ZEB1: variants seen among roughly 807,000 people sequenced by gnomAD.
The protein encoded by ZEB1 is zinc finger E-box-binding homeobox 1.
Under a neutral mutation model 84.9 loss-of-function variants are expected in ZEB1, and 21 were observed. That is an observed-to-expected ratio of 0.25 (90% confidence interval 0.18 to 0.36). The LOEUF is 0.36. Among genes scored for constraint, ZEB1 ranks in the 10% least tolerant of loss-of-function variants. The pLI is 1.00. For missense variants in ZEB1, 1,104 were observed against 1,330.2 expected (o/e 0.83, Z 2.65); for synonymous variants, 420 against 471.1 (o/e 0.89, Z 1.41).
chr10:31,453,021 T>A (rs1451262328), intron 1 of ZEB1, among the ~76,000 whole-genome samples: 1 of 152,176 alleles, frequency 6.6e-6, no homozygotes, highest in African/African-American at 2.4e-5. Context: ...ATCTGATATA[T>A]GTGGAACCAG....
intron 1 of ZEB1, among the ~76,000 whole-genome samples, chr10:31,375,315 C>T (rs2046441629): frequency 6.6e-6 from 1 of 151,730 alleles, no homozygotes; most frequent in Non-Finnish European, 1.5e-5. Context: ...CTTCCCATAC[C>T]TTCCAGAAAG....
At chr10:31,474,787 A>T (rs544969937) in intron 2 of ZEB1, among the ~76,000 whole-genome samples, 1 of 152,218 alleles carries the variant, frequency 6.6e-6, no homozygotes, top group East Asian at 1.9e-4. Flanking sequence ...CACTATTCAC[A>T]ATAGCAAAGA....
chr10:31,451,357 T>G (rs1459380580), intron 1 of ZEB1, among the ~76,000 whole-genome samples: 1 of 152,178 alleles, frequency 6.6e-6, no homozygotes, highest in Admixed American at 6.6e-5. Context: ...GGCTGGTAAT[T>G]TATCTTTTTT....
At chr10:31,382,202 C>A (rs185818794) in intron 1 of ZEB1, among the ~76,000 whole-genome samples, 37 of 151,956 alleles carry the variant, frequency 2.4e-4, no homozygotes, top group Non-Finnish European at 8.8e-5. Context: ...TATGTGAAAC[C>A]AGCCCCTTTA....
chr10:31,519,071 T>G (rs1275912697), intron 6 of ZEB1, among the ~76,000 whole-genome samples: 2 of 152,186 alleles, frequency 1.3e-5, no homozygotes, highest in East Asian at 3.8e-4. Context: ...CATCTCATCA[T>G]TCAACAATTA....
intron 1 of ZEB1, among the ~76,000 whole-genome samples, chr10:31,336,615 T>TA (rs1444562547): frequency 6.6e-6 from 1 of 152,094 alleles, no homozygotes; most frequent in African/African-American, 2.4e-5. Context: ...ATTTAGCACA[T>TA]ATCAAAATCT....
chr10:31,323,819 C>T (rs780239810), intron 1 of ZEB1, among the ~76,000 whole-genome samples: 12 of 151,522 alleles, frequency 7.9e-5, no homozygotes, highest in African/African-American at 1.2e-4. Context: ...TATTTATTTC[C>T]TTAATTATTT....
intron 2 of ZEB1, among the ~76,000 whole-genome samples, chr10:31,495,335 A>G (rs549001183): frequency 6.6e-6 from 1 of 152,170 alleles, no homozygotes; most frequent in African/African-American, 2.4e-5. Flanking sequence ...CCAAAATAGT[A>G]CTAAAATTCC....
At chr10:31,454,837 C>T (rs919153025) in intron 1 of ZEB1, among the ~76,000 whole-genome samples, 21 of 152,218 alleles carry the variant, frequency 1.4e-4, no homozygotes, top group African/African-American at 4.6e-4. Context: ...GCCATACTGC[C>T]GAAAGTAATT....
chr10:31,496,629 A>T (rs1235710624), intron 3 of ZEB1, among the ~76,000 whole-genome samples: 1 of 152,106 alleles, frequency 6.6e-6, no homozygotes, highest in Admixed American at 6.6e-5. Context: ...TCAAAATATT[A>T]TACTTAAACG....
intron 1 of ZEB1, among the ~76,000 whole-genome samples, chr10:31,396,868 G>C (rs1267219266): frequency 2.6e-5 from 4 of 152,058 alleles, no homozygotes; most frequent in Non-Finnish European, 5.9e-5. Flanking sequence ...AGGGAATCTG[G>C]ATCTCTTTGA....
intron 1 of ZEB1, among the ~76,000 whole-genome samples, chr10:31,344,439 G>A (rs1482506477): frequency 6.6e-6 from 1 of 152,000 alleles, no homozygotes; most frequent in Non-Finnish European, 1.5e-5. Flanking sequence ...CAACTTTACA[G>A]TAATGAAATA....
chr10:31,501,456 C>G (rs1320452723), intron 3 of ZEB1, among the ~76,000 whole-genome samples: 1 of 152,200 alleles, frequency 6.6e-6, no homozygotes, highest in East Asian at 1.9e-4. Context: ...TATATGAATA[C>G]TAGCGTAGCT....
chr10:31,367,603 G>A (rs910996868), intron 1 of ZEB1, among the ~76,000 whole-genome samples: 18 of 152,236 alleles, frequency 1.2e-4, no homozygotes, highest in African/African-American at 3.9e-4. Context: ...GTAACTTGTC[G>A]CCAAAATGAC....
At chr10:31,345,156 C>T (rs1401158470) in intron 1 of ZEB1, among the ~76,000 whole-genome samples, 1 of 152,014 alleles carries the variant, frequency 6.6e-6, no homozygotes, top group Non-Finnish European at 1.5e-5. Flanking sequence ...GATTCACAGA[C>T]ATTTCACTAA....
intron 1 of ZEB1, among the ~76,000 whole-genome samples, chr10:31,402,957 G>T (rs189131523): frequency 6.6e-6 from 1 of 151,998 alleles, no homozygotes; most frequent in African/African-American, 2.4e-5. Context: ...GGCTCTATTT[G>T]TTATTAGCTG....
chr10:31,367,365 C>T (rs1364518108), intron 1 of ZEB1, among the ~76,000 whole-genome samples: 1 of 152,098 alleles, frequency 6.6e-6, no homozygotes, highest in Non-Finnish European at 1.5e-5. Context: ...GGACTCTACA[C>T]TTTTACTAAC....
At chr10:31,440,001 G>A (rs897325624) in intron 1 of ZEB1, among the ~76,000 whole-genome samples, 1 of 152,206 alleles carries the variant, frequency 6.6e-6, no homozygotes, top group African/African-American at 2.4e-5. Context: ...GACCAGATAG[G>A]AACCAGTGAC....
intron 1 of ZEB1, among the ~76,000 whole-genome samples, chr10:31,426,842 A>C (rs2056994918): frequency 6.6e-6 from 1 of 152,204 alleles, no homozygotes; most frequent in African/African-American, 2.4e-5. Flanking sequence ...TGGTACTCCC[A>C]TTGATCTGGA....
Sources: allele counts gnomAD v4.1 joint callset (sites outside exome capture counted in the v4.1 genomes callset), GRCh38; gene constraint gnomAD v4.1.1; transcripts MANE v1.5; gene names NCBI Gene and HGNC (gene_info 2026-07-23, HGNC 2026-07-21).